The following GPC5 variants were observed in gnomAD, a reference collection of about 807,000 sequenced individuals.
The protein encoded by GPC5 is glypican-5.
In GPC5, 47 loss-of-function variants were observed where a neutral mutation model predicts 53.9. The ratio of observed to expected loss-of-function variants is 0.87; its 90% CI spans 0.69 to 1.11. GPC5 has a LOEUF of 1.11. Among genes scored for constraint, GPC5 ranks in the 50% most tolerant of loss-of-function variants. GPC5 has a pLI of 0.00. For missense variants in GPC5, 748 were observed against 713.1 expected, an observed-to-expected ratio of 1.05 and a Z score of -0.56; for synonymous variants, 286 against 263.3, an observed-to-expected ratio of 1.09 and a Z score of -0.84.
At chr13:92,164,620 C>A (rs770525959) in intron 7 of GPC5, among the ~76,000 whole-genome samples, 2 of 152,164 alleles carry the variant, frequency 1.3e-5, no homozygotes, top group Non-Finnish European at 2.9e-5. Flanking sequence ...GTGGCTTTTC[C>A]AGGCACACAG....
At chr13:91,770,693 A>C (rs2037606519) in intron 5 of GPC5, among the ~76,000 whole-genome samples, 1 of 99,532 alleles carries the variant, frequency 1.0e-5, no homozygotes, top group Non-Finnish European at 2.3e-5. Context: ...AAGACTGGGG[A>C]GACTGTGTGT....
intron 3 of GPC5, among the ~76,000 whole-genome samples, chr13:91,694,508 G>C (rs981973149): frequency 6.6e-6 from 1 of 152,170 alleles, no homozygotes; most frequent in Non-Finnish European, 1.5e-5. Flanking sequence ...ATTCCTAGCA[G>C]GCTGAAACGT....
intron 7 of GPC5, among the ~76,000 whole-genome samples, chr13:92,276,393 ACTAT>A (rs2139162127): frequency 1.3e-5 from 2 of 152,166 alleles, no homozygotes; most frequent in South Asian, 4.1e-4. Flanking sequence ...TTCTTCATAG[ACTAT>A]CTCAGTTTTT....
At position 91,398,691 on chromosome 13, in the gene GPC5, G is replaced by C; in HGVS notation, c.-356G>C. 4.3e-6 allele frequency: 1 copy of C among 232,664 alleles called. No individual in the cohort carries two copies. Among genetic ancestry groups the C allele is most frequent in the East Asian group, 9.8e-5 (1 of 10,216 alleles). The allele number at this position is 232,664 out of a possible 1,614,324, so 14.4% of individuals were successfully genotyped here. On this transcript the variant is annotated 5_prime_UTR_variant, in exon 1 of 8. Transcript: ENST00000377067. Reference sequence around the variant, plus strand: ...GGCGGCGGCGGCAGTGGCGGCAGTGGCGGCAGTGGCGGCAGCGGCAGCAGT... The same window carrying C: ...GGCGGCGGCGGCAGTGGCGGCAGTGCCGGCAGTGGCGGCAGCGGCAGCAGT...
intron 7 of GPC5, among the ~76,000 whole-genome samples, chr13:92,702,481 G>A (rs1236338836): frequency 6.6e-6 from 1 of 151,718 alleles, no homozygotes; most frequent in East Asian, 1.9e-4. Context: ...TGATATTCTG[G>A]CCAAAAATCT....
intron 6 of GPC5, among the ~76,000 whole-genome samples, chr13:91,960,694 T>C (rs1173961337): frequency 2.0e-5 from 3 of 151,970 alleles, no homozygotes; most frequent in South Asian, 2.1e-4. Flanking sequence ...ATGGTATGTA[T>C]ATAAAAAGAG....
At chr13:92,264,031 A>T (rs537454722) in intron 7 of GPC5, among the ~76,000 whole-genome samples, 2 of 152,314 alleles carry the variant, frequency 1.3e-5, no homozygotes, top group South Asian at 4.1e-4. Context: ...CATTGTAAAC[A>T]TACAGAAAAC....
At chr13:92,359,142 C>A (rs1302335841) in intron 7 of GPC5, among the ~76,000 whole-genome samples, 2 of 151,752 alleles carry the variant, frequency 1.3e-5, no homozygotes, top group Non-Finnish European at 2.9e-5. Context: ...CAGACCACAT[C>A]TTGAGTGCTT....
At chr13:92,173,354 T>C (rs1315781258) in intron 7 of GPC5, among the ~76,000 whole-genome samples, 1 of 152,192 alleles carries the variant, frequency 6.6e-6, no homozygotes, top group East Asian at 1.9e-4. Context: ...TCATGTTGAC[T>C]GTGGTATGTG....
intron 6 of GPC5, among the ~76,000 whole-genome samples, chr13:92,095,747 C>T (rs1455776253): frequency 6.6e-6 from 1 of 152,074 alleles, no homozygotes; most frequent in East Asian, 1.9e-4. Context: ...GTTGGTCAGG[C>T]TGGTCTCGAA....
At chr13:92,401,971 T>C (rs1875578556) in intron 7 of GPC5, among the ~76,000 whole-genome samples, 2 of 152,114 alleles carry the variant, frequency 1.3e-5, no homozygotes, top group African/African-American at 4.8e-5. Flanking sequence ...GAATGCTCTG[T>C]TTGCTAAAAG....
At chr13:92,158,532 A>G (rs561119073) in intron 7 of GPC5, among the ~76,000 whole-genome samples, 6 of 151,348 alleles carry the variant, frequency 4.0e-5, no homozygotes, top group African/African-American at 1.5e-4. Context: ...TGACAACACT[A>G]TGACTCACCA....
intron 7 of GPC5, among the ~76,000 whole-genome samples, chr13:92,157,770 C>T (rs2041956362): frequency 6.6e-6 from 1 of 152,036 alleles, no homozygotes; most frequent in African/African-American, 2.4e-5. Flanking sequence ...ATTCCCCTCC[C>T]CTTTTCATAT....
At chr13:91,573,124 G>C (rs917200484) in intron 2 of GPC5, among the ~76,000 whole-genome samples, 1 of 152,128 alleles carries the variant, frequency 6.6e-6, no homozygotes, top group East Asian at 1.9e-4. Context: ...TTGCTGTAAC[G>C]AGTTGGGCAA....
chr13:92,457,243 C>T (rs566484070), intron 7 of GPC5, among the ~76,000 whole-genome samples: 1 of 152,170 alleles, frequency 6.6e-6, no homozygotes, highest in East Asian at 1.9e-4. Flanking sequence ...ATCCAATCCA[C>T]CACTGACAGG....
chr13:92,092,328 T>A lies in GPC5; in HGVS notation c.1402-52502T>A, dbSNP rs558090100. Among the ~76,000 whole-genome samples, 8 of 152,310 alleles carry A rather than the reference T, an allele frequency of 5.3e-5. No homozygotes were observed. The South Asian group carries it at 8.3e-4, about 16-fold the overall frequency. On this transcript the variant is annotated intron_variant, in intron 6 of 7. Coordinates refer to ENST00000377067, the MANE Select transcript of GPC5 (RefSeq NM_004466.6). Reference sequence around the variant, plus strand: ...AATCATGAGTTATTTTCTAGACAAATTTGATAAGGCTTTTATTTGATAACA... The same window carrying A: ...AATCATGAGTTATTTTCTAGACAAAATTGATAAGGCTTTTATTTGATAACA...
chr13:91,928,724 A>G (rs2139028282), intron 6 of GPC5, among the ~76,000 whole-genome samples: 1 of 152,252 alleles, frequency 6.6e-6, no homozygotes, highest in South Asian at 2.1e-4. Context: ...GACTTTCAGA[A>G]ATACACACCC....
intron 7 of GPC5, among the ~76,000 whole-genome samples, chr13:92,270,347 C>T (rs1012908421): frequency 6.6e-6 from 1 of 152,064 alleles, no homozygotes; most frequent in African/African-American, 2.4e-5. Flanking sequence ...CCCTCCATGC[C>T]GCTCTTGTGA....
At chr13:92,206,186 G>T (rs865841867) in intron 7 of GPC5, among the ~76,000 whole-genome samples, 6 of 122,208 alleles carry the variant, frequency 4.9e-5, no homozygotes, top group Non-Finnish European at 6.5e-5. Flanking sequence ...TTTTTTTTGA[G>T]ACAGAGTCTC....
Sources: gnomAD v4.1 joint callset for allele counts (sites outside exome capture counted in the v4.1 genomes callset) on GRCh38, gnomAD v4.1.1 for gene constraint, MANE v1.5 for transcripts, NCBI Gene and HGNC (gene_info 2026-07-23, HGNC 2026-07-21) for gene names.